The following CAPN11 variants were observed in gnomAD, a reference collection of about 807,000 sequenced individuals.
CAPN11 encodes calpain 11.
A neutral mutation model predicts 105.3 loss-of-function variants in CAPN11; 108 were observed. The ratio of observed to expected loss-of-function variants is 1.03; its 90% CI spans 0.88 to 1.20. CAPN11 has a LOEUF of 1.20. Among genes scored for constraint, CAPN11 ranks in the 50% most tolerant of loss-of-function variants. The probability of loss-of-function intolerance (pLI) is 0.00; values close to 1 mark genes in which losing one functional copy is unlikely to be tolerated. For synonymous variants in CAPN11, 329 were observed against 344.5 expected, an observed-to-expected ratio of 0.96 and a Z score of 0.50; for missense variants, 883 against 924.8, an observed-to-expected ratio of 0.95 and a Z score of 0.59.
At position 44,173,244 on chromosome 6, in the gene CAPN11, C is replaced by T; in HGVS notation, c.689C>T (p.Ser230Leu). ...CTGAGTGGGTCCTATGAAGCATTGT[C>T]AGGGGGCAGTACCATGGAGGGCCTT... is the stretch of plus-strand genomic sequence containing the variant. ...AKLSGSYEAL[S>L]GGSTMEGLED... The change falls in exon 7 of 23, where the codon TCA becomes TTA. Residue 230 changes from serine to leucine, a missense_variant. Ser to Leu is a moderately radical substitution (Grantham distance 145). Coordinates refer to ENST00000398776, the MANE Select transcript of CAPN11 (RefSeq NM_007058.4). The T allele has an allele frequency of 2.5e-6, 4 of 1,613,930 alleles. No homozygotes were observed. Among genetic ancestry groups the T allele is most frequent in the Non-Finnish European group, 3.4e-6 (4 of 1,179,874 alleles).
rs1561842382 is a variant in CAPN11, at chr6:44,169,440, C to G, written c.248C>G (p.Pro83Arg). ...AGAAAGGGGGAGCTCTTCGAGGACC[C>G]CTTATTCCCTGCTGAACCCAGCTCA... ...CLRKGELFED[P>R]LFPAEPSSLG... The change falls in exon 3 of 23, where the codon CCC becomes CGC. Residue 83 changes from proline (P) to arginine (R), a missense_variant. Physicochemically the swap from Pro to Arg is moderately radical, Grantham distance 103 (BLOSUM62 -2). Coordinates refer to ENST00000398776, the MANE Select transcript of CAPN11 (RefSeq NM_007058.4). 2 of 1,612,868 alleles carry G rather than the reference C, an allele frequency of 1.2e-6. No individual in the cohort carries two copies. Among genetic ancestry groups the G allele is most frequent in the Non-Finnish European group, 1.7e-6 (2 of 1,179,502 alleles).
At position 44,179,975 on chromosome 6, in the gene CAPN11, C is replaced by T. The variant is rs1369817224; in HGVS notation, c.1452C>T (p.His484=). 6 of 1,613,564 alleles carry T rather than the reference C, an allele frequency of 3.7e-6. No individual in the cohort carries two copies. The African/African-American group carries it at 6.7e-5, about 18-fold the overall frequency. The part of the protein sequence containing the change: ...PKEFQNIQDV[H]LKKEFFTKYQ... ...AGTTTCAGAACATTCAGGATGTCCA[C>T]TTGAAGAAGGAATTCTTCACGAAGT... Residue 484 remains histidine, a synonymous_variant, in exon 14 of 23, where the codon CAC becomes CAT. Coordinates refer to ENST00000398776, the MANE Select transcript of CAPN11 (RefSeq NM_007058.4).
chr6:44,172,041 G>C (rs1246153089), intron 4 of CAPN11, among the ~76,000 whole-genome samples: 1 of 152,198 alleles, frequency 6.6e-6, no homozygotes, highest in Non-Finnish European at 1.5e-5. Flanking sequence ...ACTCCAGCCT[G>C]GGTGACACAG....
intron 3 of CAPN11, 116 bp downstream of exon 3, chr6:44,169,647 A>T (rs1461589328): frequency 9.0e-6 from 10 of 1,115,192 alleles, no homozygotes; most frequent in Non-Finnish European, 1.0e-5. Context: ...TGACCCTGGC[A>T]CTAGGCCCCA....
chr6:44,180,281 C>T lies in CAPN11; in HGVS notation c.1640+118C>T. ...TGTCCCTATTTTACAGTCAGGGAAA[C>T]TGAGGCATGAGAAGGTGAAGTCCCA... On this transcript the variant is annotated intron_variant, in intron 14 of 22. Transcript: ENST00000398776. The T allele has an allele frequency of 5.4e-6, 5 of 931,408 alleles. No homozygotes were observed. In the South Asian group the frequency reaches 7.9e-5, roughly 15 times the overall value. The allele number at this position is 931,408 out of a possible 1,614,324, so 57.7% of individuals were successfully genotyped here. A position where few individuals can be genotyped will look rare whatever the true frequency, so the allele number is the denominator to read the frequency against.
chr6:44,169,343 G>GGCGT lies in CAPN11; in HGVS notation c.153_156dup (p.Gly53ArgfsTer12), dbSNP rs1340195641. The GGCGT allele has an allele frequency of 1.3e-5, 21 of 1,613,898 alleles. No individual in the cohort carries two copies. Among genetic ancestry groups the GGCGT allele is most frequent in the Non-Finnish European group, 1.8e-5 (21 of 1,179,902 alleles). ...AAACAACAGCCGGCTCAAGGCCAAG[G>GGCGT]GCGTGGGCCAGCACGACAACGCCCA... On this transcript the variant is annotated frameshift_variant, in exon 3 of 23. Transcript: ENST00000398776. LOFTEE classifies it high-confidence loss of function.
intron 1 of CAPN11, among the ~76,000 whole-genome samples, chr6:44,166,219 T>C (rs867614276): frequency 2.6e-5 from 4 of 152,154 alleles, no homozygotes; most frequent in African/African-American, 9.7e-5. Context: ...GATGCCTTTG[T>C]TAACAGAGAT....
intron 12 of CAPN11, among the ~76,000 whole-genome samples, chr6:44,178,787 G>C (rs1482639266): frequency 6.6e-6 from 1 of 150,946 alleles, no homozygotes; most frequent in Non-Finnish European, 1.5e-5. Context: ...GCCGGGCATG[G>C]TGGCACACAC....
chr6:44,165,895 T>C (rs567302930), intron 1 of CAPN11, among the ~76,000 whole-genome samples: 1 of 152,122 alleles, frequency 6.6e-6, no homozygotes, highest in African/African-American at 2.4e-5. Flanking sequence ...GGGGAGCATA[T>C]GTGATGAATT....
chr6:44,161,547 G>C (rs1017897760), intron 1 of CAPN11, among the ~76,000 whole-genome samples: 4 of 152,192 alleles, frequency 2.6e-5, no homozygotes, highest in Non-Finnish European at 5.9e-5. Context: ...AGGTGTGTCA[G>C]TCCTTCCTGC....
In CAPN11 at chr6:44,184,038, G is replaced by A. The variant is rs1201053905; in HGVS notation, c.*106G>A. 3.9e-6 allele frequency: 5 copies of A among 1,282,096 alleles called. No individual in the cohort carries two copies. The African/African-American group carries it at 7.4e-5, about 19-fold the overall frequency. The allele number at this position is 1,282,096 out of a possible 1,614,324, so 79.4% of individuals were successfully genotyped here. On this transcript the variant is annotated 3_prime_UTR_variant, in exon 23 of 23. Coordinates refer to ENST00000398776, the MANE Select transcript of CAPN11 (RefSeq NM_007058.4). ...AGCCCTCAGCTCTCCGGTCTCTGCT[G>A]ATGAAATGGGCTCCAGGTGGCAGTG...
At position 44,180,982 on chromosome 6, in the gene CAPN11, G is replaced by C. The variant is rs778378209; in HGVS notation, c.1854G>C (p.Met618Ile). The C allele has an allele frequency of 3.1e-6, 5 of 1,613,482 alleles. No individual in the cohort carries two copies. The South Asian group carries it at 5.5e-5, about 18-fold the overall frequency. Residue 618 changes from methionine (M) to isoleucine (I), a missense_variant, in exon 18 of 23, where the codon ATG (methionine) becomes ATC (isoleucine). By Grantham distance (10) the Met-to-Ile change is conservative. Coordinates refer to ENST00000398776, the MANE Select transcript of CAPN11 (RefSeq NM_007058.4). ...TTGGCCTGGATGCTTGCCGCTGCAT[G>C]ATCAACCTCATGGATGTATCCTCCT... is the stretch of plus-strand genomic sequence containing the variant. ...KGFGLDACRC[M>I]INLMDKDGSG...
rs1173426282 is a variant in CAPN11, at chr6:44,176,991, C to T, written c.1230C>T (p.Asn410=). 3.1e-6 allele frequency: 5 copies of T among 1,611,850 alleles called. 1 individual carries two copies. Among genetic ancestry groups the T allele is most frequent in the Admixed American group, 3.3e-5 (2 of 59,800 alleles). ...GCAGCTCCGCAGGGGGCTGCAGGAA[C>T]CACCCTGGTGGGTGAGGGGTGAGAG... ...RRGSSAGGCR[N]HPGTFWTNPQ... Residue 410 remains asparagine, a synonymous_variant, in exon 11 of 23, where the codon AAC becomes AAT. Transcript: ENST00000398776.
At chr6:44,166,001 G>A (rs1440860603) in intron 1 of CAPN11, among the ~76,000 whole-genome samples, 5 of 152,032 alleles carry the variant, frequency 3.3e-5, no homozygotes, top group African/African-American at 4.8e-5. Flanking sequence ...AGAAATTAGG[G>A]TCCTAGGAGG....
Position 44,183,176 on chromosome 6 carries a change from A to G in CAPN11, c.2075A>G (p.Asp692Gly). The change falls in exon 21 of 23, where the codon GAC (aspartate) becomes GGC (glycine). Residue 692 changes from aspartate (D) to glycine (G), a missense_variant. Physicochemically the swap from Asp to Gly is moderately conservative, Grantham distance 94. Coordinates refer to ENST00000398776, the MANE Select transcript of CAPN11 (RefSeq NM_007058.4). Reference sequence around the variant, plus strand: ...CTGGTGGCCAGGTATGCAGATGATGACCTGATCATAGACTTTGACAGCTTC... The same window carrying G: ...CTGGTGGCCAGGTATGCAGATGATGGCCTGATCATAGACTTTGACAGCTTC... ...QVLVARYADD[D>G]LIIDFDSFIS... 6.2e-7 allele frequency: 1 copy of G among 1,613,826 alleles called. No individual in the cohort carries two copies. Among genetic ancestry groups the G allele is most frequent in the East Asian group, 2.2e-5 (1 of 44,886 alleles).
intron 17 of CAPN11, 40 bp from the exon 18 acceptor site, chr6:44,180,893 T>G: frequency 1.9e-6 from 3 of 1,609,258 alleles, no homozygotes; most frequent in Non-Finnish European, 1.7e-6. Flanking sequence ...GATACCTCAT[T>G]TACCCTGTCT....
Position 44,184,022 on chromosome 6 carries a change from C to A in CAPN11, c.*90C>A. 4.3e-6 allele frequency: 6 copies of A among 1,404,570 alleles called. No individual in the cohort carries two copies. Among genetic ancestry groups the A allele is most frequent in the Non-Finnish European group, 4.9e-6 (5 of 1,019,192 alleles). 87.0% of individuals were successfully genotyped at this position (1,404,570 alleles called of 1,614,324 possible). A position where few individuals can be genotyped will look rare whatever the true frequency, so the allele number is the denominator to read the frequency against. Reference sequence around the variant, plus strand: ...GTGGGGTGCTTCTTGTAGCCCTCAGCTCTCCGGTCTCTGCTGATGAAATGG... The same window carrying A: ...GTGGGGTGCTTCTTGTAGCCCTCAGATCTCCGGTCTCTGCTGATGAAATGG... On this transcript the variant is annotated 3_prime_UTR_variant, in exon 23 of 23. Transcript: ENST00000398776.
At chr6:44,172,132 C>T (rs7763358) in intron 4 of CAPN11, among the ~76,000 whole-genome samples, 170 bp from the exon 5 acceptor site, 11,513 of 152,182 alleles carry the variant, frequency 0.076, 512 homozygotes, top group African/African-American at 0.12. Context: ...CCCTGTTTAC[C>T]TCCTTCCTGA....
Position 44,172,340 on chromosome 6 carries a change from A to T in CAPN11, c.448A>T (p.Thr150Ser), listed in dbSNP as rs747688113. ...GCTGGCTGCCATCGGCTCCCTTACC[A>T]CCTGCCCCAAACTGCTATACCGCGT... The part of the protein sequence containing the change: ...WLLAAIGSLT[T>S]CPKLLYRVVP... Residue 150 changes from threonine to serine, a missense_variant, in exon 5 of 23, where the codon ACC becomes TCC. Physicochemically the swap from Thr to Ser is moderately conservative, Grantham distance 58. Transcript: ENST00000398776. 3 of 1,559,878 alleles carry T rather than the reference A, an allele frequency of 1.9e-6. No homozygotes were observed. Among genetic ancestry groups the T allele is most frequent in the Non-Finnish European group, 2.6e-6 (3 of 1,152,382 alleles).
Sources: gnomAD v4.1 joint callset for allele counts (sites outside exome capture counted in the v4.1 genomes callset) on GRCh38, gnomAD v4.1.1 for gene constraint, MANE v1.5 for transcripts, NCBI Gene and HGNC (gene_info 2026-07-23, HGNC 2026-07-21) for gene names.